The following DCBLD2 variants were observed in gnomAD, a reference collection of about 807,000 sequenced individuals.
DCBLD2 encodes discoidin, CUB and LCCL domain containing 2.
DCBLD2 carries 54 observed loss-of-function variants against 86.8 expected under a neutral mutation model. The observed-to-expected ratio is 0.62, with a 90% CI of 0.50 to 0.78. The LOEUF (loss-of-function observed/expected upper bound fraction) is 0.78, where lower values mean the gene tolerates loss of function less well. Ranked by LOEUF, DCBLD2 falls within the 30% of genes least tolerant of loss-of-function variation. The pLI, the probability that DCBLD2 is intolerant of heterozygous loss-of-function variation, is 0.00. For missense variants in DCBLD2, 908 were observed against 954.2 expected (o/e 0.95, Z 0.64); for synonymous variants, 354 against 341.3 (o/e 1.04, Z -0.41).
At chr3:98,857,673 C>T (rs573269342) in intron 2 of DCBLD2, among the ~76,000 whole-genome samples, 7 of 152,124 alleles carry the variant, frequency 4.6e-5, no homozygotes, top group Admixed American at 2.6e-4. Flanking sequence ...TACACAGTGC[C>T]GATTGGTGTA....
intron 3 of DCBLD2, among the ~76,000 whole-genome samples, chr3:98,831,834 G>C (rs959632798): frequency 6.6e-6 from 1 of 152,064 alleles, no homozygotes; most frequent in African/African-American, 2.4e-5. Flanking sequence ...TGGTTCTTTT[G>C]CATCTGCTGA....
At chr3:98,839,152 T>TCTTTCC (rs1942564545) in intron 3 of DCBLD2, among the ~76,000 whole-genome samples, 1 of 42,768 alleles carries the variant, frequency 2.3e-5, no homozygotes, top group Non-Finnish European at 4.6e-5. Flanking sequence ...TCCTTCTTTC[T>TCTTTCC]TTCTTTCTTT....
chr3:98,847,667 C>T (rs1942751677), intron 3 of DCBLD2, among the ~76,000 whole-genome samples: 1 of 152,152 alleles, frequency 6.6e-6, no homozygotes, highest in African/African-American at 2.4e-5. Context: ...CCAGCATTCT[C>T]ACAACTAGGA....
chr3:98,810,715 CAA>C (rs1364286222), intron 12 of DCBLD2, among the ~76,000 whole-genome samples: 7 of 151,848 alleles, frequency 4.6e-5, no homozygotes, highest in East Asian at 1.9e-4. Context: ...AAAAAGAGAC[CAA>C]AGTTTTTTTT....
rs571610319 is a variant in DCBLD2 at position 98,851,116 on chromosome 3, A to T, written c.434-1518T>A. Among the ~76,000 whole-genome samples, 5 of 152,298 alleles carry T rather than the reference A, an allele frequency of 3.3e-5. No homozygotes were observed. In the East Asian group the frequency reaches 9.6e-4, roughly 29 times the overall value. ...TCAGGGAAATCAGGCAAGAGAAAGA[A>T]ATAAAGGGTATTCAAACAGGAAGTG... On this transcript the variant is annotated intron_variant, in intron 2 of 15. Transcript: ENST00000326840.
At chr3:98,857,675 A>T (rs1456083077) in intron 2 of DCBLD2, among the ~76,000 whole-genome samples, 2 of 152,140 alleles carry the variant, frequency 1.3e-5, no homozygotes, top group African/African-American at 4.8e-5. Flanking sequence ...CACAGTGCCG[A>T]TTGGTGTATT....
At chr3:98,840,455 T>C (rs975692855) in intron 3 of DCBLD2, among the ~76,000 whole-genome samples, 2 of 152,170 alleles carry the variant, frequency 1.3e-5, no homozygotes, top group African/African-American at 4.8e-5. Flanking sequence ...CTTTAATATG[T>C]CCTATAATAC....
At chr3:98,899,774 A>C (rs1032479385) in intron 1 of DCBLD2, among the ~76,000 whole-genome samples, 3 of 152,158 alleles carry the variant, frequency 2.0e-5, no homozygotes, top group Non-Finnish European at 4.4e-5. Context: ...GGATAACAAT[A>C]ACTATCTCAG....
intron 2 of DCBLD2, among the ~76,000 whole-genome samples, chr3:98,857,841 T>TTAC (rs1447940903): frequency 6.6e-6 from 1 of 152,222 alleles, no homozygotes; most frequent in African/African-American, 2.4e-5. Context: ...ACTGGTGTAT[T>TTAC]TACAATCCCT....
intron 6 of DCBLD2, chr3:98,820,968 A>G (rs1207819199): frequency 1.4e-5 from 2 of 146,912 alleles, no homozygotes; most frequent in Non-Finnish European, 3.0e-5. Flanking sequence ...AAGGGTCTGC[A>G]TAAAATAATC....
chr3:98,901,393 G>T lies in DCBLD2; in HGVS notation c.-67C>A. Reference sequence around the variant, plus strand: ...GCAGCCCCGCGCGCCTCTGGCCGCGGCACCCGACCAGGAGACGGCGGCAGC... The same window carrying T: ...GCAGCCCCGCGCGCCTCTGGCCGCGTCACCCGACCAGGAGACGGCGGCAGC... On this transcript the variant is annotated 5_prime_UTR_variant, in exon 1 of 16. Coordinates refer to ENST00000326840, the MANE Select transcript of DCBLD2 (RefSeq NM_080927.4). 8.0e-7 allele frequency: 1 copy of T among 1,257,088 alleles called. No homozygotes were observed. Among genetic ancestry groups the T allele is most frequent in the South Asian group, 3.2e-5 (1 of 31,214 alleles). The allele number at this position is 1,257,088 out of a possible 1,614,324, so 77.9% of individuals were successfully genotyped here. A position where few individuals can be genotyped will look rare whatever the true frequency, so the allele number is the denominator to read the frequency against.
chr3:98,887,706 T>C (rs1216808130), intron 1 of DCBLD2, among the ~76,000 whole-genome samples: 2 of 152,074 alleles, frequency 1.3e-5, no homozygotes, highest in Non-Finnish European at 1.5e-5. Flanking sequence ...AGGTTCATAA[T>C]AAAACTGAAT....
At chr3:98,900,856 T>C in intron 1 of DCBLD2, 1 of 547,654 alleles carries the variant, frequency 1.8e-6, no homozygotes, top group Non-Finnish European at 3.2e-6. Flanking sequence ...AAGGACCTAA[T>C]ATCAACGAGG....
At chr3:98,819,101 C>T in intron 8 of DCBLD2, 101 bp downstream of exon 8, 2 of 1,145,702 alleles carry the variant, frequency 1.7e-6, no homozygotes, top group South Asian at 1.6e-5. Context: ...CATATAATTA[C>T]AATTTTAATG....
At position 98,901,243 on chromosome 3, in the gene DCBLD2, G is replaced by C; in HGVS notation, c.84C>G (p.Ala28=). The change falls in exon 1 of 16, where the codon GCC becomes GCG. Residue 28 remains alanine, a synonymous_variant. Coordinates refer to ENST00000326840, the MANE Select transcript of DCBLD2 (RefSeq NM_080927.4). ...GGAGGGAGCGGGAGAGGGGGAGCGCGGCCCAGGCGGGGGCGGCGGCCGCGG... is the reference window on the plus strand; with the variant it reads ...GGAGGGAGCGGGAGAGGGGGAGCGCCGCCCAGGCGGGGGCGGCGGCCGCGG... ...VRAAAAAPAW[A]ALPLSRSLPP... 6.5e-7 allele frequency: 1 copy of C among 1,534,086 alleles called. No homozygotes were observed. The highest frequency in any genetic ancestry group is 1.4e-5 in the African/African-American group (1 of 73,062).
chr3:98,899,067 G>C (rs1181829353), intron 1 of DCBLD2, among the ~76,000 whole-genome samples: 2 of 127,970 alleles, frequency 1.6e-5, no homozygotes, highest in Non-Finnish European at 3.3e-5. Flanking sequence ...ATTTACCCAA[G>C]CAATTTAGAA....
At chr3:98,878,535 C>A (rs1488443591) in intron 2 of DCBLD2, among the ~76,000 whole-genome samples, 2 of 152,194 alleles carry the variant, frequency 1.3e-5, no homozygotes, top group Non-Finnish European at 2.9e-5. Context: ...CCCTGAAATC[C>A]TGATGCCCAC....
chr3:98,840,403 A>G (rs959139042), intron 3 of DCBLD2, among the ~76,000 whole-genome samples: 6 of 152,236 alleles, frequency 3.9e-5, no homozygotes, highest in African/African-American at 1.4e-4. Flanking sequence ...AAGTGCTTAG[A>G]TTATAATAAA....
At chr3:98,847,215 GTACACATGTTTTTA>G (rs78248926) in intron 3 of DCBLD2, among the ~76,000 whole-genome samples, 54,371 of 151,784 alleles carry the variant, frequency 0.36, 9,829 homozygotes, top group Non-Finnish European at 0.38. Flanking sequence ...CCTACAAACA[GTACACATGTTTTTA>G]TTAGATTCAG....
Sources: allele counts gnomAD v4.1 joint callset (sites outside exome capture counted in the v4.1 genomes callset), GRCh38; gene constraint gnomAD v4.1.1; transcripts MANE v1.5; gene names NCBI Gene and HGNC (gene_info 2026-07-23, HGNC 2026-07-21).